The following FOCAD variants were observed in gnomAD, a reference collection of about 807,000 sequenced individuals.
The protein encoded by FOCAD is KIAA1797.
A neutral mutation model predicts 225.6 loss-of-function variants in FOCAD; 198 were observed. The observed-to-expected ratio is 0.88, with a 90% CI of 0.78 to 0.99. The LOEUF is 0.99. FOCAD is among the 50% of genes least tolerant of loss of function. FOCAD has a pLI of 0.00. For missense variants in FOCAD, 2,713 were observed against 2,123.6 expected (o/e 1.28, Z -5.46); for synonymous variants, 897 against 755.0 (o/e 1.19, Z -3.08).
intron 15 of FOCAD, among the ~76,000 whole-genome samples, chr9:20,860,897 G>T (rs1828715468): frequency 6.6e-6 from 1 of 152,116 alleles, no homozygotes; most frequent in African/African-American, 2.4e-5. Context: ...TTTAGATTTG[G>T]TTCCAACTGC....
chr9:20,815,123 G>GTTTTTTTTTTTTTTT (rs71334554), intron 11 of FOCAD, among the ~76,000 whole-genome samples: 3 of 85,394 alleles, frequency 3.5e-5, no homozygotes, highest in African/African-American at 4.7e-5. Flanking sequence ...ACTTCTCTTT[G>GTTTTTTTTTTTTTTT]TTTTTTTTTT....
intron 4 of FOCAD, among the ~76,000 whole-genome samples, chr9:20,722,753 C>CT (rs1227113468): frequency 1.3e-5 from 2 of 152,104 alleles, no homozygotes; most frequent in African/African-American, 4.8e-5. Context: ...TTATGTGTCT[C>CT]TTGTTTTCTC....
At chr9:20,793,618 C>CA (rs1309010741) in intron 11 of FOCAD, among the ~76,000 whole-genome samples, 2 of 152,130 alleles carry the variant, frequency 1.3e-5, no homozygotes, top group African/African-American at 4.8e-5. Flanking sequence ...CATTGAACAG[C>CA]AAGCATCAGA....
intron 2 of FOCAD, among the ~76,000 whole-genome samples, chr9:20,671,380 C>G (rs540637853): frequency 6.6e-6 from 1 of 152,206 alleles, no homozygotes; most frequent in South Asian, 2.1e-4. Context: ...GTGGACAATC[C>G]TGTTATCTCA....
chr9:20,814,441 C>T (rs993565173), intron 11 of FOCAD, among the ~76,000 whole-genome samples: 1 of 151,588 alleles, frequency 6.6e-6, no homozygotes, highest in Non-Finnish European at 1.5e-5. Flanking sequence ...CTGGAACTTC[C>T]GCCTCCCAGG....
At chr9:20,942,301 G>A (rs183270630) in intron 28 of FOCAD, among the ~76,000 whole-genome samples, 516 of 152,306 alleles carry the variant, frequency 3.4e-3, no homozygotes, top group African/African-American at 0.012. Context: ...TATCTCCTGA[G>A]ATGATGAAAG....
chr9:20,870,299 T>G (rs1196366797), intron 18 of FOCAD, among the ~76,000 whole-genome samples: 2 of 152,206 alleles, frequency 1.3e-5, no homozygotes, highest in Non-Finnish European at 2.9e-5. Context: ...CTGTTTCTCT[T>G]TTTAACTGAA....
chr9:20,967,356 G>T (rs1464723707), intron 35 of FOCAD, among the ~76,000 whole-genome samples: 1 of 152,044 alleles, frequency 6.6e-6, no homozygotes. Context: ...TAATTTTTGT[G>T]TGTTGGTCTT....
chr9:20,699,920 A>G (rs1057294390), intron 1 of FOCAD, among the ~76,000 whole-genome samples: 1 of 149,792 alleles, frequency 6.7e-6, no homozygotes. Context: ...CATCCTACAT[A>G]CTGTACTCTG....
At chr9:20,990,986 AAAAC>A (rs1353244673) in intron 42 of FOCAD, among the ~76,000 whole-genome samples, 48 of 152,328 alleles carry the variant, frequency 3.2e-4, no homozygotes, top group Non-Finnish European at 6.5e-4. Context: ...TGCCCTCAGG[AAAAC>A]CTAAATTGTT....
intron 35 of FOCAD, among the ~76,000 whole-genome samples, chr9:20,972,419 T>C (rs917971400): frequency 1.8e-4 from 27 of 152,292 alleles, no homozygotes; most frequent in African/African-American, 6.5e-4. Flanking sequence ...CATCTTCATA[T>C]GCTTGTTGGA....
At chr9:20,855,309 A>T (rs1260302716) in intron 15 of FOCAD, among the ~76,000 whole-genome samples, 2 of 151,730 alleles carry the variant, frequency 1.3e-5, no homozygotes, top group Admixed American at 6.6e-5. Context: ...TTAAATAAAT[A>T]TGTCAAGGAA....
At chr9:20,881,642 T>A (rs1166549093) in intron 19 of FOCAD, among the ~76,000 whole-genome samples, 2 of 152,122 alleles carry the variant, frequency 1.3e-5, no homozygotes, top group African/African-American at 4.8e-5. Context: ...TGCTAATGGA[T>A]TACATGTAAT....
At chr9:20,956,674 G>A (rs1335917862) in intron 35 of FOCAD, among the ~76,000 whole-genome samples, 2 of 152,122 alleles carry the variant, frequency 1.3e-5, no homozygotes, top group African/African-American at 4.8e-5. Flanking sequence ...TTTGTCAATA[G>A]CATATGTTTT....
At chr9:20,738,005 G>A (rs1338337263) in intron 4 of FOCAD, among the ~76,000 whole-genome samples, 1 of 152,170 alleles carries the variant, frequency 6.6e-6, no homozygotes, top group Non-Finnish European at 1.5e-5. Context: ...AGAACTGGAG[G>A]ATATAGTGGG....
chr9:20,963,921 G>A (rs948068277), intron 35 of FOCAD, among the ~76,000 whole-genome samples: 1 of 152,132 alleles, frequency 6.6e-6, no homozygotes, highest in Non-Finnish European at 1.5e-5. Context: ...TAAGCTCCAC[G>A]AGCGCAGGGA....
At position 20,825,330 on chromosome 9, in the gene FOCAD, C is replaced by G. The variant is rs1298614880; in HGVS notation, c.1920+2215C>G. Among the ~76,000 whole-genome samples, 3 of 151,990 alleles carry G rather than the reference C, an allele frequency of 2.0e-5. No individual in the cohort carries two copies. In the East Asian group the frequency reaches 5.8e-4, roughly 29 times the overall value. On this transcript the variant is annotated intron_variant, in intron 15 of 43. Transcript: ENST00000338382. Reference sequence around the variant, plus strand: ...TGTCCAGAGTGCTATTCACAGAGGTCAGCTCGCATTCTGTGAAGCCAGTTA... The same window carrying G: ...TGTCCAGAGTGCTATTCACAGAGGTGAGCTCGCATTCTGTGAAGCCAGTTA...
chr9:20,669,618 A>G (rs1034795665), intron 2 of FOCAD, among the ~76,000 whole-genome samples: 3 of 150,890 alleles, frequency 2.0e-5, no homozygotes, highest in African/African-American at 7.3e-5. Flanking sequence ...TATTGAAAAT[A>G]CACAAATTAG....
rs371673700 is a variant in FOCAD, at chr9:20,832,609, A to T, written c.1920+9494A>T. On this transcript the variant is annotated intron_variant, in intron 15 of 43. Coordinates refer to ENST00000338382, the MANE Select transcript of FOCAD (RefSeq NM_001375567.1). ...AATTGAGTTATTATTGACTGTAGTCACTCAATTGTGCTATAAAATTCTTAA... is the reference window on the plus strand; with the variant it reads ...AATTGAGTTATTATTGACTGTAGTCTCTCAATTGTGCTATAAAATTCTTAA... Among the ~76,000 whole-genome samples the T allele has an allele frequency of 7.4e-4, 113 of 152,068 alleles. No individual in the cohort carries two copies. The South Asian group carries it at 8.5e-3, about 11-fold the overall frequency.
Sources: allele counts gnomAD v4.1 joint callset (sites outside exome capture counted in the v4.1 genomes callset), GRCh38; gene constraint gnomAD v4.1.1; transcripts MANE v1.5; gene names NCBI Gene and HGNC (gene_info 2026-07-23, HGNC 2026-07-21).